RSPH9: variants seen among roughly 807,000 people sequenced by gnomAD.
RSPH9 encodes radial spoke head component 9.
RSPH9 carries 27 observed loss-of-function variants against 27.0 expected under a neutral mutation model. That is an observed-to-expected ratio of 1.00 (90% CI 0.74 to 1.38). The LOEUF is 1.38. Among genes scored for constraint, RSPH9 ranks in the 40% most tolerant of loss-of-function variants. The pLI is 0.00. For synonymous variants in RSPH9, 145 were observed against 147.7 expected, an observed-to-expected ratio of 0.98 and a Z score of 0.13; for missense variants, 347 against 357.4, an observed-to-expected ratio of 0.97 and a Z score of 0.24.
Position 43,656,550 on chromosome 6 carries a change from A to G in RSPH9, c.524-27A>G, listed in dbSNP as rs779577143. ...GCTGGGGGGTTTTGGGCTAACCATCATTTTCCTGCCTGCCACCTCTTTCTA... is the reference window on the plus strand; with the variant it reads ...GCTGGGGGGTTTTGGGCTAACCATCGTTTTCCTGCCTGCCACCTCTTTCTA... On this transcript the variant is annotated intron_variant, in intron 3 of 4. Transcript: ENST00000372163. 12 of 1,613,800 alleles carry G rather than the reference A, an allele frequency of 7.4e-6. 1 individual carries two copies. The Admixed American group carries it at 1.7e-4, about 22-fold the overall frequency.
chr6:43,650,492 G>C lies in RSPH9; in HGVS notation c.345G>C (p.Glu115Asp). ...GDPSYEYEHTELQKVNEGEKV... is the reference protein window; with the variant it reads ...GDPSYEYEHTDLQKVNEGEKV... ...CATCATACGAATATGAACACACTGAGCTGCAGAAGGTGAATGAAGGTGAAA... is the reference window on the plus strand; with the variant it reads ...CATCATACGAATATGAACACACTGACCTGCAGAAGGTGAATGAAGGTGAAA... Residue 115 changes from glutamate (E) to aspartate (D), a missense_variant, in exon 2 of 5, where the codon GAG becomes GAC. Physicochemically the swap from Glu to Asp is conservative, Grantham distance 45 (BLOSUM62 2). Transcript: ENST00000372163. 1 of 1,614,198 alleles carries C rather than the reference G, an allele frequency of 6.2e-7. No homozygotes were observed. Among genetic ancestry groups the C allele is most frequent in the Non-Finnish European group, 8.5e-7 (1 of 1,180,034 alleles).
intron 2 of RSPH9, among the ~76,000 whole-genome samples, chr6:43,650,770 G>A (rs1771374986): frequency 6.6e-6 from 1 of 152,012 alleles, no homozygotes; most frequent in South Asian, 2.1e-4. Flanking sequence ...GCTGGGTGTG[G>A]TGGCAGGCAC....
rs1320163682 is a variant in RSPH9, at chr6:43,671,956, G to A, written c.*1007G>A. 2.0e-6 allele frequency: 3 copies of A among 1,520,952 alleles called. No individual in the cohort carries two copies. Among genetic ancestry groups the A allele is most frequent in the Non-Finnish European group, 2.6e-6 (3 of 1,132,296 alleles). 94.2% of individuals were successfully genotyped at this position (1,520,952 alleles called of 1,614,324 possible). A position where few individuals can be genotyped will look rare whatever the true frequency, so the allele number is the denominator to read the frequency against. Reference sequence around the variant, plus strand: ...CCTGTGAGGGCTGGGGGCCCAAGCTGGACGTGGGAGAGTGGAGCACTACCT... The same window carrying A: ...CCTGTGAGGGCTGGGGGCCCAAGCTAGACGTGGGAGAGTGGAGCACTACCT... On this transcript the variant is annotated 3_prime_UTR_variant, in exon 5 of 5. Coordinates refer to ENST00000372163, the MANE Select transcript of RSPH9 (RefSeq NM_152732.5).
intron 1 of RSPH9, among the ~76,000 whole-genome samples, chr6:43,646,734 G>C (rs1205980179): frequency 6.6e-6 from 1 of 150,894 alleles, no homozygotes; most frequent in Non-Finnish European, 1.5e-5. Flanking sequence ...AGGCAGAGTT[G>C]GGCGGATCAC....
intron 1 of RSPH9, among the ~76,000 whole-genome samples, chr6:43,647,933 A>T (rs75660595): frequency 0.014 from 2,069 of 152,332 alleles, 49 homozygotes; most frequent in African/African-American, 0.047. Flanking sequence ...GAACACACAC[A>T]TCTATTAGAT....
intron 4 of RSPH9, among the ~76,000 whole-genome samples, chr6:43,664,776 G>A (rs888286746): frequency 3.3e-5 from 5 of 152,186 alleles, no homozygotes; most frequent in African/African-American, 9.7e-5. Flanking sequence ...AGGGGTTGGG[G>A]CATTTCTCGC....
rs1773673788 is a variant in RSPH9, at chr6:43,671,105, A to G, written c.*156A>G. On this transcript the variant is annotated 3_prime_UTR_variant, in exon 5 of 5. Transcript: ENST00000372163. ...CCACTGAGCCAGGGAGCTCATTTCT[A>G]AACCAAGTGGCAGAGGGGTTGGAAT... The G allele has an allele frequency of 3.5e-6, 3 of 865,348 alleles. No homozygotes were observed. The East Asian group carries it at 8.0e-5, about 23-fold the overall frequency. 53.6% of individuals were successfully genotyped at this position (865,348 alleles called of 1,614,324 possible).
At chr6:43,645,391 G>GGGT in intron 1 of RSPH9, 66 bp downstream of exon 1, 6 of 400,192 alleles carry the variant, frequency 1.5e-5, no homozygotes, top group East Asian at 7.7e-5. Flanking sequence ...GGGTGGGCGG[G>GGGT]TCGCAGCAAT....
intron 2 of RSPH9, among the ~76,000 whole-genome samples, chr6:43,653,311 C>T (rs1771669826): frequency 6.6e-6 from 1 of 151,780 alleles, no homozygotes. Context: ...ATTAGCCAGG[C>T]ACAGTGGCGC....
chr6:43,649,468 C>T (rs575845479), intron 1 of RSPH9, among the ~76,000 whole-genome samples: 2 of 152,100 alleles, frequency 1.3e-5, no homozygotes, highest in African/African-American at 2.4e-5. Flanking sequence ...TGAGCCACCG[C>T]GCCTGGTCAG....
chr6:43,669,218 G>A (rs557329842), intron 4 of RSPH9, among the ~76,000 whole-genome samples: 14 of 152,214 alleles, frequency 9.2e-5, no homozygotes, highest in Non-Finnish European at 1.3e-4. Context: ...GGGGGCTGAC[G>A]TCATCCTTTG....
intron 4 of RSPH9, among the ~76,000 whole-genome samples, chr6:43,668,415 G>C (rs1040003149): frequency 6.6e-6 from 1 of 152,060 alleles, no homozygotes; most frequent in South Asian, 2.1e-4. Context: ...TGCCGCTACC[G>C]TACTCCACCA....
intron 1 of RSPH9, among the ~76,000 whole-genome samples, chr6:43,649,603 G>T (rs1222700798): frequency 6.6e-6 from 1 of 152,096 alleles, no homozygotes; most frequent in Admixed American, 6.6e-5. Context: ...TCCTCTCCCA[G>T]CAGAAGGAAG....
At chr6:43,653,434 A>G (rs60176668) in intron 2 of RSPH9, among the ~76,000 whole-genome samples, 7,774 of 145,964 alleles carry the variant, frequency 0.053, 777 homozygotes, top group African/African-American at 0.19. Context: ...GTGACAGAGC[A>G]AGACTCCGTC....
At chr6:43,668,499 T>C (rs543124891) in intron 4 of RSPH9, among the ~76,000 whole-genome samples, 13 of 152,170 alleles carry the variant, frequency 8.5e-5, no homozygotes, top group African/African-American at 3.1e-4. Context: ...CCTGCCAGTT[T>C]CTCCTTGCTC....
At chr6:43,650,280 T>G in intron 1 of RSPH9, 95 bp from the exon 2 acceptor site, 2 of 1,478,888 alleles carry the variant, frequency 1.4e-6, no homozygotes, top group East Asian at 2.4e-5. Flanking sequence ...CAACAGCTTT[T>G]CCTGGGCCCA....
chr6:43,672,258 G>A lies in RSPH9; in HGVS notation c.*1309G>A, dbSNP rs1316884229. 4 of 433,762 alleles carry A rather than the reference G, an allele frequency of 9.2e-6. No homozygotes were observed. Among genetic ancestry groups the A allele is most frequent in the Admixed American group, 3.0e-5 (1 of 33,716 alleles). The allele number at this position is 433,762 out of a possible 1,614,324, so 26.9% of individuals were successfully genotyped here. A position where few individuals can be genotyped will look rare whatever the true frequency, so the allele number is the denominator to read the frequency against. On this transcript the variant is annotated 3_prime_UTR_variant, in exon 5 of 5. Coordinates refer to ENST00000372163, the MANE Select transcript of RSPH9 (RefSeq NM_152732.5). Reference sequence around the variant, plus strand: ...TCCTCTCTGGCCTCAGCCATGGGGCGAGAAGAGCTGATGTAAGGCTCTGGA... The same window carrying A: ...TCCTCTCTGGCCTCAGCCATGGGGCAAGAAGAGCTGATGTAAGGCTCTGGA...
At chr6:43,656,485 G>T in intron 3 of RSPH9, 92 bp from the exon 4 acceptor site, 1 of 1,439,652 alleles carries the variant, frequency 6.9e-7, no homozygotes, top group Non-Finnish European at 9.8e-7. Flanking sequence ...AGGGTCTTTT[G>T]TAAGCCCTAC....
At position 43,671,660 on chromosome 6, in the gene RSPH9, T is replaced by C. The variant is rs1773702088; in HGVS notation, c.*711T>C. The C allele has an allele frequency of 7.2e-7, 1 of 1,388,686 alleles. No individual in the cohort carries two copies. The highest frequency in any genetic ancestry group is 1.4e-5 in the African/African-American group (1 of 70,458). 86.0% of individuals were successfully genotyped at this position (1,388,686 alleles called of 1,614,324 possible). ...GCATGTTGGAGGGACCAGGCCATCG[T>C]GGTGGGGTGGGACAGGAGTATAGTT... On this transcript the variant is annotated 3_prime_UTR_variant, in exon 5 of 5. Transcript: ENST00000372163.
Sources: gnomAD v4.1 joint callset for allele counts (sites outside exome capture counted in the v4.1 genomes callset) on GRCh38, gnomAD v4.1.1 for gene constraint, MANE v1.5 for transcripts, NCBI Gene and HGNC (gene_info 2026-07-23, HGNC 2026-07-21) for gene names.